BABAM2: variants seen among roughly 807,000 people sequenced by gnomAD.
The protein encoded by BABAM2 is BRISC and BRCA1 A complex member 2.
Under a neutral mutation model 54.7 loss-of-function variants are expected in BABAM2, and 31 were observed. The ratio of observed to expected loss-of-function variants is 0.57; its 90% CI spans 0.43 to 0.77. The LOEUF (loss-of-function observed/expected upper bound fraction) is 0.77. Among genes scored for constraint, BABAM2 ranks in the 30% least tolerant of loss-of-function variants. The probability of loss-of-function intolerance (pLI) is 0.00; values close to 1 mark genes in which losing one functional copy is unlikely to be tolerated. For synonymous variants in BABAM2, 167 were observed against 162.9 expected, an observed-to-expected ratio of 1.03 and a Z score of -0.19; for missense variants, 364 against 455.8, an observed-to-expected ratio of 0.80 and a Z score of 1.83.
intron 11 of BABAM2, chr2:28,308,615 G>C (rs1429873266): frequency 2.6e-6 from 1 of 378,116 alleles, no homozygotes; most frequent in East Asian, 6.4e-5. Flanking sequence ...CTATGTATAT[G>C]TCTTTTCACC....
chr2:28,294,871 T>C (rs2148232003), intron 10 of BABAM2, among the ~76,000 whole-genome samples: 1 of 152,372 alleles, frequency 6.6e-6, no homozygotes, highest in African/African-American at 2.4e-5. Flanking sequence ...GCTCCCCTAA[T>C]AATACATTTA....
intron 7 of BABAM2, among the ~76,000 whole-genome samples, chr2:28,211,095 G>A (rs1161134491): frequency 1.3e-5 from 2 of 152,160 alleles, no homozygotes; most frequent in Non-Finnish European, 2.9e-5. Context: ...TGTATTCCCT[G>A]AGCAAATAGT....
At position 28,050,827 on chromosome 2, in the gene BABAM2, G is replaced by A. The variant is rs147014762; in HGVS notation, c.570+5028G>A. Among the ~76,000 whole-genome samples, 650 of 152,268 alleles carry A rather than the reference G, an allele frequency of 4.3e-3. 4 individuals are homozygous for A. The highest frequency in any genetic ancestry group is 0.015 in the African/African-American group (622 of 41,540). On this transcript the variant is annotated intron_variant, in intron 6 of 11. Transcript: ENST00000379624. ...GGCATAGCTTTTCAAGGCTGGAGGG[G>A]AGGAGGAACAGATCAGGGATGGATG...
At chr2:27,961,909 T>C (rs1222306888) in intron 3 of BABAM2, among the ~76,000 whole-genome samples, 5 of 151,628 alleles carry the variant, frequency 3.3e-5, no homozygotes, top group African/African-American at 1.2e-4. Context: ...TAAATTTTTT[T>C]TGTAGAGATG....
intron 7 of BABAM2, among the ~76,000 whole-genome samples, chr2:28,171,119 A>ATG (rs1256742554): frequency 6.6e-6 from 1 of 151,204 alleles, no homozygotes; most frequent in Non-Finnish European, 1.5e-5. Context: ...TAAAATATAT[A>ATG]TATATATATA....
chr2:27,994,804 T>C (rs1673025123), intron 4 of BABAM2, among the ~76,000 whole-genome samples: 1 of 152,236 alleles, frequency 6.6e-6, no homozygotes, highest in South Asian at 2.1e-4. Context: ...CCATTCCTGA[T>C]GGCTGTGTAT....
chr2:28,136,274 G>A (rs569724179), intron 7 of BABAM2, among the ~76,000 whole-genome samples: 4 of 152,246 alleles, frequency 2.6e-5, no homozygotes, highest in Admixed American at 1.3e-4. Flanking sequence ...TTTCCTGACC[G>A]CCACTGCCTG....
At chr2:28,060,845 T>G (rs1427494276) in intron 6 of BABAM2, among the ~76,000 whole-genome samples, 1 of 152,160 alleles carries the variant, frequency 6.6e-6, no homozygotes, top group Non-Finnish European at 1.5e-5. Context: ...TCTAAACAAA[T>G]GGATATGTCA....
At chr2:28,052,341 G>A (rs756801575) in intron 6 of BABAM2, among the ~76,000 whole-genome samples, 4 of 149,384 alleles carry the variant, frequency 2.7e-5, no homozygotes, top group Non-Finnish European at 4.4e-5. Flanking sequence ...AGGCTGGAGC[G>A]TAGTGGCACG....
intron 5 of BABAM2, among the ~76,000 whole-genome samples, chr2:28,034,695 T>G (rs1676538217): frequency 6.6e-6 from 1 of 152,086 alleles, no homozygotes; most frequent in South Asian, 2.1e-4. Context: ...TTTCAGAGAA[T>G]TAGGCAGAGA....
intron 6 of BABAM2, among the ~76,000 whole-genome samples, chr2:28,077,178 C>T (rs904067818): frequency 8.6e-5 from 13 of 152,042 alleles, no homozygotes; most frequent in East Asian, 1.9e-4. Flanking sequence ...AATGGAGAGA[C>T]GAGTTAGTTA....
chr2:28,265,821 C>A (rs1684936715), intron 10 of BABAM2, among the ~76,000 whole-genome samples: 1 of 152,228 alleles, frequency 6.6e-6, no homozygotes, highest in East Asian at 1.9e-4. Flanking sequence ...TTGTTTGAAT[C>A]TGCAATATAT....
chr2:28,100,108 A>G (rs1167502020), intron 6 of BABAM2, among the ~76,000 whole-genome samples: 1 of 151,962 alleles, frequency 6.6e-6, no homozygotes, highest in African/African-American at 2.4e-5. Flanking sequence ...TTTTAGATAG[A>G]TTTTTAATTG....
chr2:28,186,753 T>C (rs1406441284), intron 7 of BABAM2, among the ~76,000 whole-genome samples: 3 of 151,992 alleles, frequency 2.0e-5, no homozygotes, highest in African/African-American at 7.3e-5. Context: ...AGTGGTAGTA[T>C]ATCCTGTTAG....
At chr2:28,046,710 G>A (rs890375179) in intron 6 of BABAM2, among the ~76,000 whole-genome samples, 2 of 151,760 alleles carry the variant, frequency 1.3e-5, no homozygotes, top group Non-Finnish European at 2.9e-5. Flanking sequence ...TTTTTATAAT[G>A]GTTATAAGTA....
At chr2:28,031,735 A>G (rs1265990236) in intron 5 of BABAM2, among the ~76,000 whole-genome samples, 1 of 152,214 alleles carries the variant, frequency 6.6e-6, no homozygotes, top group Admixed American at 6.5e-5. Context: ...TCACTGAGGA[A>G]GGGAGTAACC....
At chr2:28,051,033 C>A (rs1677958124) in intron 6 of BABAM2, among the ~76,000 whole-genome samples, 2 of 152,158 alleles carry the variant, frequency 1.3e-5, no homozygotes, top group African/African-American at 4.8e-5. Flanking sequence ...TAGTCTTAAT[C>A]CCCTTATAAC....
At chr2:28,177,432 G>A (rs1361458781) in intron 7 of BABAM2, among the ~76,000 whole-genome samples, 1 of 149,852 alleles carries the variant, frequency 6.7e-6, no homozygotes. Flanking sequence ...AAAGTGAAAG[G>A]ACAATATCTA....
At chr2:28,244,723 A>C (rs1033311802) in intron 9 of BABAM2, 57 bp from the exon 10 acceptor site, 5 of 1,486,538 alleles carry the variant, frequency 3.4e-6, no homozygotes, top group Middle Eastern at 3.5e-4. Flanking sequence ...TATTGCTTTT[A>C]TACCTTAATT....
Sources: allele counts gnomAD v4.1 joint callset (sites outside exome capture counted in the v4.1 genomes callset), GRCh38; gene constraint gnomAD v4.1.1; transcripts MANE v1.5; gene names NCBI Gene and HGNC (gene_info 2026-07-23, HGNC 2026-07-21).